The following CDC25C variants were observed in gnomAD, a reference collection of about 807,000 sequenced individuals.
CDC25C encodes the protein cell division cycle 25C.
CDC25C carries 48 observed loss-of-function variants against 52.5 expected under a neutral mutation model. The observed-to-expected ratio is 0.91, with a 90% confidence interval of 0.72 to 1.16. The LOEUF (loss-of-function observed/expected upper bound fraction) is 1.16. Ranked by LOEUF, CDC25C falls within the 50% of genes most tolerant of loss-of-function variation. The probability of loss-of-function intolerance (pLI) is 0.00; values close to 1 mark genes in which losing one functional copy is unlikely to be tolerated. For synonymous variants in CDC25C, 187 were observed against 206.5 expected (o/e 0.91, Z 0.81); for missense variants, 510 against 566.1 (o/e 0.90, Z 1.01).
chr5:138,331,379 A>ATTGCC (rs1760373205), intron 1 of CDC25C, among the ~76,000 whole-genome samples, 161 bp from the exon 2 acceptor site: 1 of 152,236 alleles, frequency 6.6e-6, no homozygotes, highest in Non-Finnish European at 1.5e-5. Context: ...CACCGACGAG[A>ATTGCC]GGCAACCTTA....
chr5:138,319,016 C>A (rs1027097875), intron 7 of CDC25C, among the ~76,000 whole-genome samples: 5 of 152,196 alleles, frequency 3.3e-5, no homozygotes, highest in African/African-American at 1.2e-4. Flanking sequence ...TTCTGTACTT[C>A]ATTTCCATTT....
chr5:138,294,305 C>T lies in CDC25C; in HGVS notation c.616-2189G>A, dbSNP rs542394798. ...CTCCCAGGTTTCAGCAATTCTCCTG[C>T]CTCGGCCTCCCGAGTAGCTGGGATT... is the stretch of plus-strand genomic sequence containing the variant. On this transcript the variant is annotated intron_variant, in intron 7 of 13. Coordinates refer to ENST00000323760, the MANE Select transcript of CDC25C (RefSeq NM_001790.5). Among the ~76,000 whole-genome samples, 26 of 151,638 alleles carry T rather than the reference C, an allele frequency of 1.7e-4. No individual in the cohort carries two copies. In the South Asian group the frequency reaches 3.3e-3, roughly 20 times the overall value.
intron 7 of CDC25C, among the ~76,000 whole-genome samples, chr5:138,299,156 G>A (rs1346925952): frequency 2.9e-5 from 4 of 135,810 alleles, no homozygotes; most frequent in Non-Finnish European, 6.1e-5. Flanking sequence ...TCGCACCACT[G>A]CACTCCAGCC....
intron 7 of CDC25C, among the ~76,000 whole-genome samples, chr5:138,312,010 C>T (rs541882183): frequency 1.3e-5 from 2 of 152,234 alleles, no homozygotes; most frequent in South Asian, 2.1e-4. Flanking sequence ...GATACCATTT[C>T]GTAGTCATCA....
chr5:138,312,425 T>G (rs1262197944), intron 7 of CDC25C, among the ~76,000 whole-genome samples: 2 of 152,214 alleles, frequency 1.3e-5, no homozygotes, highest in Non-Finnish European at 2.9e-5. Context: ...AAACCAATTT[T>G]TATAGCAACA....
chr5:138,317,710 A>G (rs1258072433), intron 7 of CDC25C, among the ~76,000 whole-genome samples: 3 of 145,110 alleles, frequency 2.1e-5, no homozygotes, highest in Non-Finnish European at 4.6e-5. Flanking sequence ...AAAAAAAACC[A>G]AAAACCAAAA....
chr5:138,317,156 G>A (rs1387101754), intron 7 of CDC25C, among the ~76,000 whole-genome samples: 2 of 152,130 alleles, frequency 1.3e-5, no homozygotes, highest in African/African-American at 4.8e-5. Flanking sequence ...TCAGGAGGCT[G>A]AGGTGGGAGG....
chr5:138,290,628 G>C lies in CDC25C; in HGVS notation c.864+11C>G, dbSNP rs773382265. On this transcript the variant is annotated intron_variant, in intron 9 of 13. Coordinates refer to ENST00000323760, the MANE Select transcript of CDC25C (RefSeq NM_001790.5). ...CTCACTGAAATACAGGATGGGTGTA[G>C]CCAAACTCACCTTGGAAAAATCACC... The C allele has an allele frequency of 3.3e-6, 5 of 1,499,218 alleles. No homozygotes were observed. The highest frequency in any genetic ancestry group is 2.8e-6 in the Non-Finnish European group (3 of 1,075,396). The allele number at this position is 1,499,218 out of a possible 1,614,324, so 92.9% of individuals were successfully genotyped here.
At chr5:138,313,995 C>CTTTCTTTCT (rs1554117939) in intron 7 of CDC25C, among the ~76,000 whole-genome samples, 2,170 of 112,630 alleles carry the variant, frequency 0.019, 37 homozygotes, top group Non-Finnish European at 0.024. Context: ...TTCTTTCTTT[C>CTTTCTTTCT]TTTTTTTTTT....
At chr5:138,335,617 G>C (rs3756762), upstream of CDC25C, 11 of 152,328 alleles carry the variant, frequency 7.2e-5, no homozygotes, top group East Asian at 2.1e-3. Context: ...GAAAGAGCAG[G>C]ACATGAGTAA....
chr5:138,295,741 T>C (rs1757131037), intron 7 of CDC25C, among the ~76,000 whole-genome samples: 1 of 152,170 alleles, frequency 6.6e-6, no homozygotes, highest in African/African-American at 2.4e-5. Flanking sequence ...AGATGGTACT[T>C]TAGTTCTGTC....
intron 7 of CDC25C, among the ~76,000 whole-genome samples, chr5:138,312,983 G>T (rs958251364): frequency 6.6e-6 from 1 of 151,938 alleles, no homozygotes; most frequent in Non-Finnish European, 1.5e-5. Context: ...TTTATATGAG[G>T]TACCTAGAGC....
At position 138,321,948 on chromosome 5, in the gene CDC25C, A is replaced by G. The variant is rs112047320; in HGVS notation, c.460-2574T>C. Among the ~76,000 whole-genome samples, 164 of 152,110 alleles carry G rather than the reference A, an allele frequency of 1.1e-3. 3 individuals carry two copies. Among genetic ancestry groups the G allele is most frequent in the African/African-American group, 3.7e-3 (155 of 41,510 alleles). ...GTATTATAAGGGCACAAAAGACACTAGAGAAATTACGCATGGATAATAATC... is the reference window on the plus strand; with the variant it reads ...GTATTATAAGGGCACAAAAGACACTGGAGAAATTACGCATGGATAATAATC... On this transcript the variant is annotated intron_variant, in intron 6 of 13. Transcript: ENST00000323760.
rs1234360277 is a variant in CDC25C, at chr5:138,285,777, C to T, written c.1337G>A (p.Arg446Lys). The change falls in exon 14 of 14, where the codon AGG becomes AAG. Residue 446 changes from arginine to lysine, a missense_variant. Physicochemically the swap from Arg to Lys is conservative, Grantham distance 26. Transcript: ENST00000323760. ...HHQDHKTELL[R>K]CRSQSKVQEG... ...CTGCACTTTGCTCTGGCTTCGACACCTCAGCAACTCAGTCTTGTGGTCCTG... is the reference window on the plus strand; with the variant it reads ...CTGCACTTTGCTCTGGCTTCGACACTTCAGCAACTCAGTCTTGTGGTCCTG... 1 of 1,614,196 alleles carries T rather than the reference C, an allele frequency of 6.2e-7. No individual in the cohort carries two copies. The highest frequency in any genetic ancestry group is 8.5e-7 in the Non-Finnish European group (1 of 1,180,012).
intron 7 of CDC25C, among the ~76,000 whole-genome samples, chr5:138,317,223 A>C (rs1395708678): frequency 6.6e-6 from 1 of 151,978 alleles, no homozygotes; most frequent in East Asian, 1.9e-4. Flanking sequence ...AGAGCAGAGC[A>C]AGACCCTATC....
intron 12 of CDC25C, 122 bp from the exon 13 acceptor site, chr5:138,286,255 C>T: frequency 1.2e-6 from 1 of 851,148 alleles, no homozygotes. Context: ...ACTTTCCAAT[C>T]TCCCTGTGTT....
chr5:138,291,197 A>G (rs1756681902), intron 8 of CDC25C, among the ~76,000 whole-genome samples: 1 of 151,942 alleles, frequency 6.6e-6, no homozygotes, highest in Non-Finnish European at 1.5e-5. Context: ...TTCTGACCTT[A>G]AGTGATCCTC....
chr5:138,287,364 C>T, intron 10 of CDC25C, 97 bp from the exon 11 acceptor site: 1 of 772,654 alleles, frequency 1.3e-6, no homozygotes, highest in Non-Finnish European at 2.2e-6. Context: ...CCTGTTCTGT[C>T]CACTGTATGT....
chr5:138,295,510 G>A (rs1177693181), intron 7 of CDC25C, among the ~76,000 whole-genome samples: 3 of 152,060 alleles, frequency 2.0e-5, no homozygotes, highest in Non-Finnish European at 4.4e-5. Context: ...CTACTTGGGA[G>A]GCTGAAGTGG....
Sources: gnomAD v4.1 joint callset for allele counts (sites outside exome capture counted in the v4.1 genomes callset) on GRCh38, gnomAD v4.1.1 for gene constraint, MANE v1.5 for transcripts, NCBI Gene and HGNC (gene_info 2026-07-23, HGNC 2026-07-21) for gene names.